Variants in LRRC4C observed in about 807,000 individuals in gnomAD.
LRRC4C encodes the protein leucine-rich repeat-containing protein 4C.
In LRRC4C, 5 loss-of-function variants were observed where a neutral mutation model predicts 33.6. The observed-to-expected ratio is 0.15, with a 90% confidence interval of 0.08 to 0.31. The LOEUF is 0.31. Ranked by LOEUF, LRRC4C falls within the 10% of genes least tolerant of loss-of-function variation. The pLI, the probability that LRRC4C is intolerant of heterozygous loss-of-function variation, is 1.00. For synonymous variants in LRRC4C, 329 were observed against 302.0 expected, an observed-to-expected ratio of 1.09 and a Z score of -0.93; for missense variants, 560 against 796.7, an observed-to-expected ratio of 0.70 and a Z score of 3.58.
At chr11:40,778,414 A>C (rs1192775064) in intron 2 of LRRC4C, among the ~76,000 whole-genome samples, 1 of 152,368 alleles carries the variant, frequency 6.6e-6, no homozygotes, top group Middle Eastern at 3.4e-3. Flanking sequence ...CAGATGAGGA[A>C]ACTGAAGTGC....
intron 5 of LRRC4C, among the ~76,000 whole-genome samples, chr11:40,154,918 C>T (rs975678208): frequency 2.6e-5 from 4 of 152,066 alleles, no homozygotes; most frequent in South Asian, 2.1e-4. Flanking sequence ...TTTAACAGCA[C>T]GTGGATCTTT....
At chr11:41,297,730 C>T (rs994288994) in intron 1 of LRRC4C, among the ~76,000 whole-genome samples, 1 of 151,914 alleles carries the variant, frequency 6.6e-6, no homozygotes, top group Non-Finnish European at 1.5e-5. Context: ...GATACCTAAA[C>T]CATGGCAAAA....
intron 1 of LRRC4C, among the ~76,000 whole-genome samples, chr11:41,023,344 A>T (rs1273898971): frequency 1.3e-5 from 2 of 151,854 alleles, no homozygotes; most frequent in African/African-American, 4.8e-5. Context: ...AAAATATTAT[A>T]TTAAGATTCA....
At chr11:40,290,982 C>A (rs2136563443) in intron 4 of LRRC4C, among the ~76,000 whole-genome samples, 1 of 152,244 alleles carries the variant, frequency 6.6e-6, no homozygotes, top group East Asian at 1.9e-4. Flanking sequence ...TGACTTTTGC[C>A]TGGCGTTCTG....
In LRRC4C at chr11:40,648,267, T is replaced by C. The variant is rs771073930; in HGVS notation, c.-395A>G. The C allele has an allele frequency of 2.0e-5, 3 of 152,188 alleles. No individual in the cohort carries two copies. The highest frequency in any genetic ancestry group is 4.4e-5 in the Non-Finnish European group (3 of 68,034). 9.4% of individuals were successfully genotyped at this position (152,188 alleles called of 1,614,324 possible). ...TAATCCGCATAAGTTATTCTTGCTT[T>C]TCCAGTAACTCCTACATAAAATAGA... On this transcript the variant is annotated 5_prime_UTR_variant, in exon 3 of 7. Coordinates refer to ENST00000528697, the MANE Select transcript of LRRC4C (RefSeq NM_001258419.2).
chr11:40,728,659 CA>C lies in LRRC4C; in HGVS notation c.-406-80382del, dbSNP rs1947409773. On this transcript the variant is annotated intron_variant, in intron 2 of 6. Coordinates refer to ENST00000528697, the MANE Select transcript of LRRC4C (RefSeq NM_001258419.2). ...AAAAAAAAAAAAAAATTCATGTTAT[CA>C]AAAAGACATATGTATTTGTATGTTC... 4.8e-5 allele frequency among the ~76,000 whole-genome samples: 7 copies of C among 145,374 alleles called. No homozygotes were observed. In the South Asian group the frequency reaches 1.5e-3, roughly 32 times the overall value.
At chr11:41,119,912 G>T (rs1020314784) in intron 1 of LRRC4C, among the ~76,000 whole-genome samples, 1 of 152,160 alleles carries the variant, frequency 6.6e-6, no homozygotes, top group South Asian at 2.1e-4. Flanking sequence ...AAAATGACTA[G>T]TGTAGGATTA....
chr11:40,121,571 A>G (rs1241413185), intron 6 of LRRC4C, among the ~76,000 whole-genome samples: 2 of 152,216 alleles, frequency 1.3e-5, no homozygotes, highest in Admixed American at 6.5e-5. Context: ...ATTTATTTAC[A>G]TATGCATTTG....
chr11:41,161,737 T>TA (rs1041430675), intron 1 of LRRC4C, among the ~76,000 whole-genome samples: 3 of 152,116 alleles, frequency 2.0e-5, no homozygotes, highest in African/African-American at 4.8e-5. Flanking sequence ...GCATGTGAAA[T>TA]AAAAAAATAA....
intron 4 of LRRC4C, among the ~76,000 whole-genome samples, chr11:40,307,788 TA>T (rs1235319191): frequency 1.3e-5 from 2 of 152,160 alleles, no homozygotes; most frequent in Non-Finnish European, 2.9e-5. Flanking sequence ...AAGAAATGAC[TA>T]AAAATGTTAA....
At chr11:40,434,146 C>T (rs1951047397) in intron 3 of LRRC4C, among the ~76,000 whole-genome samples, 2 of 152,218 alleles carry the variant, frequency 1.3e-5, no homozygotes, top group Admixed American at 1.3e-4. Context: ...CTAGCACTCT[C>T]ATGGTCCCCC....
At chr11:40,643,175 T>C (rs576600293) in intron 3 of LRRC4C, among the ~76,000 whole-genome samples, 1 of 152,126 alleles carries the variant, frequency 6.6e-6, no homozygotes, top group Non-Finnish European at 1.5e-5. Context: ...AATAGGTACA[T>C]ATATATACAC....
At chr11:40,333,076 G>A (rs1053716075) in intron 3 of LRRC4C, among the ~76,000 whole-genome samples, 2 of 152,188 alleles carry the variant, frequency 1.3e-5, no homozygotes, top group Non-Finnish European at 2.9e-5. Flanking sequence ...ATCTGTATAT[G>A]TGAGGTGTTG....
At position 40,207,288 on chromosome 11, in the gene LRRC4C, G is replaced by A. The variant is rs79727551; in HGVS notation, c.-96+34231C>T. 1.0e-3 allele frequency among the ~76,000 whole-genome samples: 152 copies of A among 152,116 alleles called. 1 individual carries two copies. Among genetic ancestry groups the A allele is most frequent in the African/African-American group, 3.4e-3 (139 of 41,484 alleles). ...TCCATGCTGTGGAAAATTGTGAATC[G>A]GACACAATTGTGCATAAAGCCAGGC... On this transcript the variant is annotated intron_variant, in intron 5 of 6. Coordinates refer to ENST00000528697, the MANE Select transcript of LRRC4C (RefSeq NM_001258419.2).
chr11:41,422,235 G>C (rs1347961681), intron 1 of LRRC4C, among the ~76,000 whole-genome samples: 1 of 151,818 alleles, frequency 6.6e-6, no homozygotes, highest in Admixed American at 6.6e-5. Context: ...GATAACCATT[G>C]TCATCTCAGG....
chr11:40,317,934 A>G (rs1317170671), intron 4 of LRRC4C, among the ~76,000 whole-genome samples: 1 of 152,164 alleles, frequency 6.6e-6, no homozygotes, highest in Non-Finnish European at 1.5e-5. Flanking sequence ...CAAAGTGAAC[A>G]CAGGCAGGAT....
chr11:40,508,920 C>T (rs938610225), intron 3 of LRRC4C, among the ~76,000 whole-genome samples: 4 of 151,488 alleles, frequency 2.6e-5, no homozygotes, highest in African/African-American at 9.8e-5. Context: ...CTATTTTTGA[C>T]CTATCAAATT....
chr11:40,853,782 T>C (rs1323329401), intron 2 of LRRC4C, among the ~76,000 whole-genome samples: 1 of 152,172 alleles, frequency 6.6e-6, no homozygotes, highest in Admixed American at 6.5e-5. Context: ...GTTACTTTAG[T>C]GCACAGAACT....
intron 2 of LRRC4C, among the ~76,000 whole-genome samples, chr11:40,823,276 G>A (rs1952018490): frequency 6.6e-6 from 1 of 151,544 alleles, no homozygotes; most frequent in African/African-American, 2.4e-5. Flanking sequence ...TTGGGTGAAT[G>A]TCCTTAGTTA....
Sources: gnomAD v4.1 joint callset for allele counts (sites outside exome capture counted in the v4.1 genomes callset) on GRCh38, gnomAD v4.1.1 for gene constraint, MANE v1.5 for transcripts, NCBI Gene and HGNC (gene_info 2026-07-23, HGNC 2026-07-21) for gene names.